The following SYCP2 variants were observed in gnomAD, a reference collection of about 807,000 sequenced individuals.
SYCP2 encodes synaptonemal complex protein 2.
Under a neutral mutation model 211.3 loss-of-function variants are expected in SYCP2, and 55 were observed. The observed-to-expected ratio is 0.26, with a 90% CI of 0.21 to 0.33. The LOEUF is 0.33. Ranked by LOEUF, SYCP2 falls within the 10% of genes least tolerant of loss-of-function variation. SYCP2 has a pLI of 1.00. For missense variants in SYCP2, 1,731 were observed against 1,752.0 expected (o/e 0.99, Z 0.21); for synonymous variants, 570 against 555.2 (o/e 1.03, Z -0.37).
At chr20:59,889,246 A>T (rs1057117907) in intron 24 of SYCP2, among the ~76,000 whole-genome samples, 2 of 151,854 alleles carry the variant, frequency 1.3e-5, no homozygotes, top group African/African-American at 4.8e-5. Context: ...GTTAATAATC[A>T]TTATGTATCA....
At chr20:59,885,631 T>TA (rs948226629) in intron 26 of SYCP2, among the ~76,000 whole-genome samples, 17 of 151,664 alleles carry the variant, frequency 1.1e-4, no homozygotes, top group African/African-American at 3.6e-4. Context: ...GATTGGCTAT[T>TA]AAAAAAATAC....
rs1600881460 is a variant in SYCP2, at chr20:59,893,210, C to G, written c.1736-11G>C. 6.3e-7 allele frequency: 1 copy of G among 1,575,022 alleles called. No individual in the cohort carries two copies. The highest frequency in any genetic ancestry group is 2.3e-5 in the East Asian group (1 of 44,354). ...CATCCTGGAGTTCACCTAAATAAAA[C>G]AAATATTATAATATTTTCATTTTTT... On this transcript the variant is annotated splice_polypyrimidine_tract_variant and intron_variant, in intron 21 of 44. Coordinates refer to ENST00000357552, the MANE Select transcript of SYCP2 (RefSeq NM_014258.4).
chr20:59,868,051 T>C (rs1438036123), intron 38 of SYCP2, among the ~76,000 whole-genome samples: 1 of 151,872 alleles, frequency 6.6e-6, no homozygotes, highest in Non-Finnish European at 1.5e-5. Context: ...CTTTTTGGTA[T>C]GGCTATTACA....
At chr20:59,875,790 T>C (rs753358651) in intron 33 of SYCP2, among the ~76,000 whole-genome samples, 1 of 152,052 alleles carries the variant, frequency 6.6e-6, no homozygotes, top group Non-Finnish European at 1.5e-5. Flanking sequence ...ACTAAGGAGT[T>C]TGTGAAAGAA....
intron 15 of SYCP2, among the ~76,000 whole-genome samples, chr20:59,904,732 A>C (rs1392948776): frequency 6.6e-6 from 1 of 152,152 alleles, no homozygotes; most frequent in Non-Finnish European, 1.5e-5. Context: ...TGAGGGTGGG[A>C]AACTTATAAA....
intron 3 of SYCP2, among the ~76,000 whole-genome samples, 185 bp downstream of exon 3, chr20:59,922,205 C>T (rs1252261421): frequency 6.6e-6 from 1 of 151,456 alleles, no homozygotes; most frequent in Non-Finnish European, 1.5e-5. Context: ...TATAAATATT[C>T]TTAACATAGC....
At chr20:59,889,228 G>A (rs2059856594) in intron 24 of SYCP2, among the ~76,000 whole-genome samples, 1 of 151,396 alleles carries the variant, frequency 6.6e-6, no homozygotes, top group African/African-American at 2.4e-5. Context: ...TGTAAACTAA[G>A]CACTTGAGTT....
chr20:59,876,120 C>A (rs1029968862), intron 33 of SYCP2, among the ~76,000 whole-genome samples: 1 of 151,858 alleles, frequency 6.6e-6, no homozygotes, highest in African/African-American at 2.4e-5. Flanking sequence ...TGCCTGTAAT[C>A]CCAGCACTTT....
Position 59,892,291 on chromosome 20 carries a change from T to G in SYCP2, c.2063A>C (p.Glu688Ala). 2 of 1,612,646 alleles carry G rather than the reference T, an allele frequency of 1.2e-6. No homozygotes were observed. Among genetic ancestry groups the G allele is most frequent in the Non-Finnish European group, 1.7e-6 (2 of 1,179,200 alleles). The stretch of plus-strand genomic sequence containing the variant: ...TTGCTGATTGTGTTTCTTGCAAACT[T>G]CTACTTCTGCTTTATCTATTTTGAT... ...DHIKIDKAEV[E>A]VCKKHNQQQN... Residue 688 changes from glutamate (E) to alanine (A), a missense_variant, in exon 24 of 45, where the codon GAA (glutamate) becomes GCA (alanine). Physicochemically the swap from Glu to Ala is moderately radical, Grantham distance 107. Around this residue, in one of 3 missense-constraint regions of SYCP2, gnomAD observed 1,387 missense variants for 1,351.3 expected, o/e 1.03. Transcript: ENST00000357552.
rs577677690 is a variant in SYCP2 at position 59,922,545 on chromosome 20, ATT to A, written c.-46-88_-46-87del. The A allele has an allele frequency of 1.9e-4, 107 of 572,370 alleles. No individual in the cohort carries two copies. In the African/African-American group the frequency reaches 1.9e-3, roughly 10 times the overall value. The allele number at this position is 572,370 out of a possible 1,614,324, so 35.5% of individuals were successfully genotyped here. On this transcript the variant is annotated intron_variant, in intron 2 of 44. Coordinates refer to ENST00000357552, the MANE Select transcript of SYCP2 (RefSeq NM_014258.4). ...AAATATCTTACACACATAAATATGC[ATT>A]TGTTATTTATACCAAAGGCAACATT... is the stretch of plus-strand genomic sequence containing the variant.
rs766858198 is a variant in SYCP2 at position 59,868,521 on chromosome 20, G to C, written c.3880C>G (p.Leu1294Val). 6.2e-7 allele frequency: 1 copy of C among 1,610,724 alleles called. No individual in the cohort carries two copies. Among genetic ancestry groups the C allele is most frequent in the East Asian group, 2.2e-5 (1 of 44,734 alleles). Residue 1294 changes from leucine to valine, a missense_variant, in exon 38 of 45, where the codon CTA becomes GTA. This residue lies in a region of SYCP2 where 1,387 missense variants were observed against 1,351.3 expected (regional missense o/e 1.03). Coordinates refer to ENST00000357552, the MANE Select transcript of SYCP2 (RefSeq NM_014258.4). ...ATTTCTACTTCATTGGAATTACTTA[G>C]ATTATCTTCTATATATATTCTTTTG... ...SRKRIYIEDN[L>V]SNSNEVEMEE...
In SYCP2 at chr20:59,916,549, A is replaced by T; in HGVS notation, c.450T>A (p.Ser150Arg). ...SDEGKKQVVE[S>R]FVPRICSLVI... is the part of the protein sequence containing the mutation. ...CCAGGGAACAAATGCGAGGTACGAA[A>T]CTTTCCACTACTTGTTTTTTACCTG... Residue 150 changes from serine (S) to arginine (R), a missense_variant, in exon 8 of 45, where the codon AGT becomes AGA. Around this residue, in one of 3 missense-constraint regions of SYCP2, gnomAD observed 335 missense variants for 378.8 expected, o/e 0.88. Coordinates refer to ENST00000357552, the MANE Select transcript of SYCP2 (RefSeq NM_014258.4). 6.2e-7 allele frequency: 1 copy of T among 1,607,216 alleles called. No individual in the cohort carries two copies. Among genetic ancestry groups the T allele is most frequent in the East Asian group, 2.2e-5 (1 of 44,816 alleles).
In SYCP2 at chr20:59,878,019, T is replaced by C. The variant is rs748593711; in HGVS notation, c.2968A>G (p.Ser990Gly). Residue 990 changes from serine to glycine, a missense_variant, in exon 32 of 45, where the codon AGC becomes GGC. Transcript: ENST00000357552. ...SRSSLEKGQP[S>G]SKMTPSKNIT... ...ACTTCTTGGCTTACCATTTTAGAGCTTGGCTGTCCCTTTTCCAAGGATGAT... is the reference window on the plus strand; with the variant it reads ...ACTTCTTGGCTTACCATTTTAGAGCCTGGCTGTCCCTTTTCCAAGGATGAT... 1.9e-6 allele frequency: 3 copies of C among 1,606,460 alleles called. No homozygotes were observed. The highest frequency in any genetic ancestry group is 2.2e-5 in the South Asian group (2 of 89,562).
At position 59,911,802 on chromosome 20, in the gene SYCP2, T is replaced by C; in HGVS notation, c.920A>G (p.Asp307Gly). The change falls in exon 14 of 45, where the codon GAT becomes GGT. Residue 307 changes from aspartate to glycine, a missense_variant. Coordinates refer to ENST00000357552, the MANE Select transcript of SYCP2 (RefSeq NM_014258.4). Reference sequence around the variant, plus strand: ...GAGAGTCTGACTCCCAAGATTAAAATCAATCCAAAATTCCTCAAGTTTTTC... The same window carrying C: ...GAGAGTCTGACTCCCAAGATTAAAACCAATCCAAAATTCCTCAAGTTTTTC... ...SDEKLEEFWI[D>G]FNLGSQTLSF... is the part of the protein sequence containing the mutation. 1 of 1,592,162 alleles carries C rather than the reference T, an allele frequency of 6.3e-7. No homozygotes were observed.
At chr20:59,879,878 CAAACAT>C (rs2059642190) in intron 31 of SYCP2, among the ~76,000 whole-genome samples, 3 of 140,990 alleles carry the variant, frequency 2.1e-5, no homozygotes, top group African/African-American at 7.7e-5. Flanking sequence ...CACACACACA[CAAACAT>C]ATAAATATAT....
In SYCP2 at chr20:59,875,316, G is replaced by C. The variant is rs377454425; in HGVS notation, c.3304C>G (p.Pro1102Ala). The change falls in exon 34 of 45, where the codon CCC becomes GCC. Residue 1102 changes from proline (P) to alanine (A), a missense_variant. Pro to Ala is a conservative substitution (Grantham distance 27, BLOSUM62 -1). This residue lies in a region of SYCP2 where 1,387 missense variants were observed against 1,351.3 expected (regional missense o/e 1.03). Coordinates refer to ENST00000357552, the MANE Select transcript of SYCP2 (RefSeq NM_014258.4). ...AIRDNCLDLSPRSLSGSPSSI... is the reference protein window; with the variant it reads ...AIRDNCLDLSARSLSGSPSSI... Reference sequence around the variant, plus strand: ...GATGGACTGCCAGATAAAGATCTGGGAGATAAGTCAAGGCAATTATCTCGT... The same window carrying C: ...GATGGACTGCCAGATAAAGATCTGGCAGATAAGTCAAGGCAATTATCTCGT... 2 of 1,611,114 alleles carry C rather than the reference G, an allele frequency of 1.2e-6. No homozygotes were observed. Among genetic ancestry groups the C allele is most frequent in the South Asian group, 1.1e-5 (1 of 90,752 alleles).
chr20:59,883,428 T>C (rs1443177460), intron 26 of SYCP2, among the ~76,000 whole-genome samples: 30 of 151,936 alleles, frequency 2.0e-4, no homozygotes, highest in Non-Finnish European at 5.9e-5. Context: ...AATCAAAACA[T>C]GGAAACAAAG....
At chr20:59,887,863 CAT>C (rs1345468051) in intron 24 of SYCP2, among the ~76,000 whole-genome samples, 2 of 151,728 alleles carry the variant, frequency 1.3e-5, no homozygotes, top group East Asian at 3.9e-4. Context: ...CTGCTGATCA[CAT>C]AGACATAAAA....
chr20:59,877,597 G>A (rs760579497), intron 32 of SYCP2, 42 bp from the exon 33 acceptor site: 1 of 1,514,632 alleles, frequency 6.6e-7, no homozygotes, highest in Non-Finnish European at 8.9e-7. Flanking sequence ...AATATTTGAG[G>A]TACAAGAAAT....
Sources: allele counts gnomAD v4.1 joint callset (sites outside exome capture counted in the v4.1 genomes callset), GRCh38; gene constraint gnomAD v4.1.1; regional missense constraint gnomAD v4.1.1; transcripts MANE v1.5; gene names NCBI Gene and HGNC (gene_info 2026-07-23, HGNC 2026-07-21).